The following DISP3 variants were observed in gnomAD, a reference collection of about 807,000 sequenced individuals.
DISP3 encodes the protein dispatched RND transporter family member 3.
In DISP3, 101 loss-of-function variants were observed where a neutral mutation model predicts 135.3. The observed-to-expected ratio is 0.75, with a 90% CI of 0.64 to 0.88. The LOEUF is 0.88. Ranked by LOEUF, DISP3 falls within the 40% of genes least tolerant of loss-of-function variation. The pLI is 0.00. For synonymous variants in DISP3, 856 were observed against 817.0 expected (o/e 1.05, Z -0.81); for missense variants, 1,713 against 1,878.6 (o/e 0.91, Z 1.63).
rs138803367 is a variant in DISP3, at chr1:11,509,684, G to A, written c.1317-4706G>A. 3.7e-3 allele frequency among the ~76,000 whole-genome samples: 556 copies of A among 152,148 alleles called. 7 individuals are homozygous for A. Among genetic ancestry groups the A allele is most frequent in the Non-Finnish European group, 5.9e-3 (400 of 68,006 alleles). On this transcript the variant is annotated intron_variant, in intron 3 of 20. Transcript: ENST00000294484. ...CTCTGAAATTTACTTTATTTTTTAT[G>A]AATATAACCAATCCAGCTTCTTTTT... is the stretch of plus-strand genomic sequence containing the variant.
chr1:11,525,434 C>T, intron 12 of DISP3, 122 bp downstream of exon 12: 1 of 1,241,190 alleles, frequency 8.1e-7, no homozygotes, highest in Non-Finnish European at 1.1e-6. Flanking sequence ...GATGAAGACC[C>T]CCCTCCCCTA....
intron 3 of DISP3, among the ~76,000 whole-genome samples, chr1:11,512,102 G>A (rs2745267): frequency 0.49 from 75,193 of 152,000 alleles, 21,321 homozygotes; most frequent in Non-Finnish European, 0.64. Context: ...TTCCTCCTGG[G>A]CCTTCAGGCC....
At position 11,520,979 on chromosome 1, in the gene DISP3, C is replaced by G. The variant is rs1642171125; in HGVS notation, c.2362+131C>G. On this transcript the variant is annotated intron_variant, in intron 10 of 20. Coordinates refer to ENST00000294484, the MANE Select transcript of DISP3 (RefSeq NM_020780.2). This position sits in a 1 kb window ranked among gnomAD's most constrained non-coding sequence, Gnocchi z 4.8. ...CAGGCAAATCCCACTCCCCTCTGAG[C>G]CCCCATGTTCCCACAGTTCATTCAA... The G allele has an allele frequency of 8.9e-7, 1 of 1,119,444 alleles. No homozygotes were observed. The highest frequency in any genetic ancestry group is 2.7e-5 in the Admixed American group (1 of 36,866). The allele number at this position is 1,119,444 out of a possible 1,614,324, so 69.3% of individuals were successfully genotyped here. A position where few individuals can be genotyped will look rare whatever the true frequency, so the allele number is the denominator to read the frequency against.
At position 11,531,016 on chromosome 1, in the gene DISP3, C is replaced by T; in HGVS notation, c.3212C>T (p.Ala1071Val). ...TCCGAGCTGGTGAAGCCGGGTGGGG[C>T]CCAGTGCCTGCCTTCAGGTGCGTGG... ...ANSELVKPGG[A>V]QCLPSGYSIS... Residue 1071 changes from alanine to valine, a missense_variant, in exon 16 of 21, where the codon GCC (alanine) becomes GTC (valine). Transcript: ENST00000294484. This position sits in a 1 kb window ranked among gnomAD's most constrained non-coding sequence, Gnocchi z 5.2. 1.2e-6 allele frequency: 2 copies of T among 1,613,722 alleles called. No individual in the cohort carries two copies. The highest frequency in any genetic ancestry group is 1.7e-6 in the Non-Finnish European group (2 of 1,179,944).
chr1:11,536,515 C>T lies in DISP3; in HGVS notation c.4008C>T (p.Val1336=). 6.2e-7 allele frequency: 1 copy of T among 1,613,408 alleles called. No homozygotes were observed. Among genetic ancestry groups the T allele is most frequent in the Non-Finnish European group, 8.5e-7 (1 of 1,179,986 alleles). The part of the protein sequence containing the change: ...TGVSILYTLT[V]STALLGIMAP... The stretch of plus-strand genomic sequence containing the variant: ...TGTCCATCCTCTACACGCTGACCGT[C>T]AGCACCGCCCTGCTGGGCATCATGG... The change falls in exon 21 of 21, where the codon GTC becomes GTT. Residue 1336 remains valine, a synonymous_variant. Coordinates refer to ENST00000294484, the MANE Select transcript of DISP3 (RefSeq NM_020780.2). This position sits in a 1 kb window ranked among gnomAD's most constrained non-coding sequence, Gnocchi z 4.3.
chr1:11,518,908 G>C (rs1440076075), intron 7 of DISP3, among the ~76,000 whole-genome samples: 3 of 152,152 alleles, frequency 2.0e-5, no homozygotes, highest in Non-Finnish European at 4.4e-5. Flanking sequence ...CCAGTCCCTA[G>C]GTTGAGCTGC....
intron 17 of DISP3, among the ~76,000 whole-genome samples, 190 bp from the exon 18 acceptor site, chr1:11,534,191 G>C (rs1642645779): frequency 6.6e-6 from 1 of 152,254 alleles, no homozygotes; most frequent in Non-Finnish European, 1.5e-5. Context: ...ATGTGGATCA[G>C]TGCTGCTGTC....
At chr1:11,534,268 C>A in intron 17 of DISP3, 113 bp from the exon 18 acceptor site, 1 of 1,316,382 alleles carries the variant, frequency 7.6e-7, no homozygotes, top group Non-Finnish European at 1.1e-6. Flanking sequence ...TTCACACCCT[C>A]CCCAACACAC....
At chr1:11,527,789 C>T (rs538437407) in intron 13 of DISP3, among the ~76,000 whole-genome samples, 1 of 152,254 alleles carries the variant, frequency 6.6e-6, no homozygotes, top group African/African-American at 2.4e-5. Context: ...ATGCTTTTCC[C>T]AGCTCCTCAA....
intron 3 of DISP3, among the ~76,000 whole-genome samples, chr1:11,503,558 G>A (rs1210173651): frequency 6.6e-6 from 1 of 152,076 alleles, no homozygotes; most frequent in Non-Finnish European, 1.5e-5. Flanking sequence ...GGAGAAGAGT[G>A]TCCCAGCTCC....
chr1:11,494,867 G>A (rs1056181143), intron 1 of DISP3, among the ~76,000 whole-genome samples: 22 of 152,228 alleles, frequency 1.4e-4, no homozygotes, highest in African/African-American at 5.3e-4. Flanking sequence ...GAGAAGGAAG[G>A]GTTCTGTCAT....
At chr1:11,514,245 G>A (rs1440549275) in intron 3 of DISP3, 145 bp from the exon 4 acceptor site, 3 of 946,680 alleles carry the variant, frequency 3.2e-6, no homozygotes, top group African/African-American at 1.6e-5. Flanking sequence ...ATTATTGGAA[G>A]CCCCCAGGTG....
In DISP3 at chr1:11,480,209, C is replaced by T. The variant is rs141945985; in HGVS notation, c.-4+837C>T. Among the ~76,000 whole-genome samples, 1,184 of 152,322 alleles carry T rather than the reference C, an allele frequency of 7.8e-3. 17 individuals carry two copies. Among genetic ancestry groups the T allele is most frequent in the African/African-American group, 0.026 (1,092 of 41,562 alleles). ...CCGGCGCCAGCTTCCCGCTGTCCCC[C>T]ACTCACTGCGAGACTGCGCGCAGGT... On this transcript the variant is annotated intron_variant, in intron 1 of 20. Transcript: ENST00000294484.
chr1:11,490,004 C>T lies in DISP3; in HGVS notation c.-4+10632C>T, dbSNP rs115938361. On this transcript the variant is annotated intron_variant, in intron 1 of 20. Transcript: ENST00000294484. ...GGGATCTTTTTATCTTTTATTAACC[C>T]AGCAGTCTAGATGCTGGGGTGCTGG... Among the ~76,000 whole-genome samples, 1,206 of 152,196 alleles carry T rather than the reference C, an allele frequency of 7.9e-3. 17 individuals carry two copies. The highest frequency in any genetic ancestry group is 0.027 in the African/African-American group (1,129 of 41,510).
chr1:11,514,126 A>G (rs1490574355), intron 3 of DISP3, among the ~76,000 whole-genome samples: 1 of 152,192 alleles, frequency 6.6e-6, no homozygotes, highest in Admixed American at 6.5e-5. Context: ...GTGGTTCTCA[A>G]CCTTGACCCT....
At chr1:11,522,606 AG>A (rs1642240112) in intron 10 of DISP3, among the ~76,000 whole-genome samples, 4 of 31,156 alleles carry the variant, frequency 1.3e-4, no homozygotes, top group Non-Finnish European at 8.8e-5. Context: ...ACCCAGCCAG[AG>A]CCCAGCCAGG....
intron 1 of DISP3, among the ~76,000 whole-genome samples, chr1:11,479,772 G>C (rs1366650611): frequency 6.6e-6 from 1 of 152,248 alleles, no homozygotes; most frequent in East Asian, 1.9e-4. Context: ...CTTGGATCGG[G>C]CTCTCGCCCA....
In DISP3 at chr1:11,526,651, G is replaced by A. The variant is rs775937398; in HGVS notation, c.2614G>A (p.Val872Met). 1 of 1,613,508 alleles carries A rather than the reference G, an allele frequency of 6.2e-7. No individual in the cohort carries two copies. Among genetic ancestry groups the A allele is most frequent in the Non-Finnish European group, 8.5e-7 (1 of 1,179,446 alleles). Residue 872 changes from valine (V) to methionine (M), a missense_variant and splice_region_variant, in exon 13 of 21, where the codon GTG becomes ATG. Coordinates refer to ENST00000294484, the MANE Select transcript of DISP3 (RefSeq NM_020780.2). ...PGDGEVPSFQ[V>M]YRAPFGNFTK... ...TTGTCTCTGTCAACCCACTGCTTAG[G>A]TGTATAGAGCGCCTTTTGGTAACTT...
chr1:11,500,126 C>T (rs567314073), intron 1 of DISP3, among the ~76,000 whole-genome samples: 1 of 152,366 alleles, frequency 6.6e-6, no homozygotes, highest in East Asian at 1.9e-4. Flanking sequence ...TGCCTGGCCC[C>T]TGCCCATGCC....
Sources: gnomAD v4.1 joint callset for allele counts (sites outside exome capture counted in the v4.1 genomes callset) on GRCh38, gnomAD v4.1.1 for gene constraint, Gnocchi (gnomAD v3.1) non-coding constraint, MANE v1.5 for transcripts, NCBI Gene and HGNC (gene_info 2026-07-23, HGNC 2026-07-21) for gene names.